The following KCNN2 variants were observed in gnomAD, a reference collection of about 807,000 sequenced individuals.
The protein encoded by KCNN2 is potassium calcium-activated channel subfamily N member 2, also known as small conductance calcium-activated potassium channel protein 2.
A neutral mutation model predicts 55.5 loss-of-function variants in KCNN2; 24 were observed. That is an observed-to-expected ratio of 0.43 (90% CI 0.31 to 0.61). KCNN2 has a LOEUF of 0.61. Ranked by LOEUF, KCNN2 falls within the 20% of genes least tolerant of loss-of-function variation. The pLI is 0.08. For synonymous variants in KCNN2, 431 were observed against 336.1 expected (o/e 1.28, Z -3.09); for missense variants, 754 against 853.6 (o/e 0.88, Z 1.45).
intron 1 of KCNN2, among the ~76,000 whole-genome samples, chr5:114,105,586 T>C (rs1751467527): frequency 6.6e-6 from 1 of 152,110 alleles, no homozygotes; most frequent in Non-Finnish European, 1.5e-5. Flanking sequence ...AATACTGCAT[T>C]CATGTAATCA....
chr5:114,378,544 G>GA (rs1758011141), intron 2 of KCNN2, among the ~76,000 whole-genome samples: 1 of 151,968 alleles, frequency 6.6e-6, no homozygotes, highest in South Asian at 2.1e-4. Context: ...CCCTATCTCG[G>GA]GCTTCTGTGT....
chr5:114,108,548 G>A (rs1306913944), intron 1 of KCNN2, among the ~76,000 whole-genome samples: 1 of 151,944 alleles, frequency 6.6e-6, no homozygotes, highest in Non-Finnish European at 1.5e-5. Flanking sequence ...ACACACATTT[G>A]ACTTCTTTCA....
intron 1 of KCNN2, among the ~76,000 whole-genome samples, chr5:114,103,262 G>A (rs1449295258): frequency 1.3e-5 from 2 of 152,098 alleles, no homozygotes; most frequent in African/African-American, 4.8e-5. Context: ...AGGAATGCTT[G>A]TGATTTTTGC....
Position 114,126,487 on chromosome 5 carries a change from A to T in KCNN2, c.-271+69987A>T, listed in dbSNP as rs1751932773. On this transcript the variant is annotated intron_variant, in intron 1 of 10. Transcript: ENST00000512097. Reference sequence around the variant, plus strand: ...CATCAGATCTTGTGAGAACTAACTCATTCTCATGAGAACAGGATGTAGGAA... The same window carrying T: ...CATCAGATCTTGTGAGAACTAACTCTTTCTCATGAGAACAGGATGTAGGAA... Among the ~76,000 whole-genome samples, 3 of 152,086 alleles carry T rather than the reference A, an allele frequency of 2.0e-5. No homozygotes were observed. The South Asian group carries it at 6.2e-4, about 32-fold the overall frequency.
At chr5:114,177,035 A>G (rs997685491) in intron 1 of KCNN2, among the ~76,000 whole-genome samples, 1 of 151,744 alleles carries the variant, frequency 6.6e-6, no homozygotes, top group African/African-American at 2.4e-5. Context: ...GTCTACAATC[A>G]CTTCATTCAT....
At chr5:114,120,691 C>G (rs1469680540) in intron 1 of KCNN2, among the ~76,000 whole-genome samples, 3 of 152,142 alleles carry the variant, frequency 2.0e-5, no homozygotes, top group Non-Finnish European at 4.4e-5. Flanking sequence ...GGGGAGGCAA[C>G]ATGGTAAGTG....
intron 1 of KCNN2, among the ~76,000 whole-genome samples, chr5:114,157,634 C>T (rs566212541): frequency 1.2e-4 from 18 of 152,082 alleles, no homozygotes; most frequent in South Asian, 2.1e-4. Context: ...AGTATAAAAG[C>T]GTTCCTGTTT....
At chr5:114,208,227 C>T (rs550669398) in intron 1 of KCNN2, among the ~76,000 whole-genome samples, 1 of 152,306 alleles carries the variant, frequency 6.6e-6, no homozygotes, top group Non-Finnish European at 1.5e-5. Flanking sequence ...TCATTTGGAT[C>T]CTGAAATTGA....
chr5:114,441,018 TAC>T (rs1404755804), intron 3 of KCNN2, among the ~76,000 whole-genome samples: 3 of 152,140 alleles, frequency 2.0e-5, no homozygotes, highest in Non-Finnish European at 4.4e-5. Context: ...GGCAACTACT[TAC>T]CAAAATGAGT....
intron 1 of KCNN2, among the ~76,000 whole-genome samples, chr5:114,200,191 T>C (rs1385915886): frequency 1.3e-5 from 2 of 152,146 alleles, no homozygotes; most frequent in Non-Finnish European, 2.9e-5. Flanking sequence ...TTTGTTCATT[T>C]TTTAAAATAC....
chr5:114,133,184 G>T (rs941061556), intron 1 of KCNN2, among the ~76,000 whole-genome samples: 2 of 151,908 alleles, frequency 1.3e-5, no homozygotes, highest in Non-Finnish European at 2.9e-5. Flanking sequence ...AATTTATAAT[G>T]GTTTCTGATT....
intron 3 of KCNN2, among the ~76,000 whole-genome samples, chr5:114,414,587 A>G (rs1759247375): frequency 6.6e-6 from 1 of 152,182 alleles, no homozygotes; most frequent in Non-Finnish European, 1.5e-5. Flanking sequence ...CCCATGAGTC[A>G]ATAAATAGTC....
chr5:114,157,248 A>T (rs1417101305), intron 1 of KCNN2, among the ~76,000 whole-genome samples: 1 of 149,056 alleles, frequency 6.7e-6, no homozygotes, highest in Non-Finnish European at 1.5e-5. Context: ...GAGTGAGAAC[A>T]TGCGGTGTTT....
chr5:114,090,598 C>CA (rs769661167), intron 1 of KCNN2, among the ~76,000 whole-genome samples: 34 of 149,946 alleles, frequency 2.3e-4, no homozygotes, highest in Admixed American at 8.0e-4. Flanking sequence ...CATATATATA[C>CA]CACATATATA....
intron 2 of KCNN2, among the ~76,000 whole-genome samples, chr5:114,399,020 C>G (rs778591338): frequency 6.6e-6 from 1 of 152,048 alleles, no homozygotes; most frequent in Non-Finnish European, 1.5e-5. Flanking sequence ...TCTTCCTATT[C>G]GGATTCATTT....
At chr5:114,221,145 G>A (rs1257640330) in intron 1 of KCNN2, among the ~76,000 whole-genome samples, 1 of 152,204 alleles carries the variant, frequency 6.6e-6, no homozygotes, top group Non-Finnish European at 1.5e-5. Context: ...TTCATGACTT[G>A]AGTGAGTGTC....
At chr5:114,367,835 G>T (rs1053398330) in intron 2 of KCNN2, among the ~76,000 whole-genome samples, 2 of 152,174 alleles carry the variant, frequency 1.3e-5, no homozygotes, top group African/African-American at 4.8e-5. Context: ...TTAGATGAAA[G>T]AGTTGTTTAG....
At chr5:114,448,656 T>A (rs1315204502) in intron 3 of KCNN2, among the ~76,000 whole-genome samples, 2 of 152,218 alleles carry the variant, frequency 1.3e-5, no homozygotes, top group Non-Finnish European at 1.5e-5. Flanking sequence ...TGGCTCAGTT[T>A]TCTGACTCTG....
chr5:114,203,428 A>G (rs974632490), intron 1 of KCNN2, among the ~76,000 whole-genome samples: 1 of 151,882 alleles, frequency 6.6e-6, no homozygotes, highest in Non-Finnish European at 1.5e-5. Context: ...TTTTTTTTAG[A>G]TTTACTTAGG....
Sources: allele counts gnomAD v4.1 joint callset (sites outside exome capture counted in the v4.1 genomes callset), GRCh38; gene constraint gnomAD v4.1.1; transcripts MANE v1.5; gene names NCBI Gene and HGNC (gene_info 2026-07-23, HGNC 2026-07-21).